The following PDE6A variants were observed in gnomAD, a reference collection of about 807,000 sequenced individuals.
PDE6A encodes phosphodiesterase 6A, also known as rod cGMP-specific 3',5'-cyclic phosphodiesterase subunit alpha.
In PDE6A, 84 loss-of-function variants were observed where a neutral mutation model predicts 106.3. That is an observed-to-expected ratio of 0.79 (90% CI 0.66 to 0.95). PDE6A has a LOEUF of 0.95. PDE6A is among the 40% of genes least tolerant of loss of function. PDE6A has a pLI of 0.00. For synonymous variants in PDE6A, 394 were observed against 386.6 expected (o/e 1.02, Z -0.23); for missense variants, 1,052 against 1,084.9 (o/e 0.97, Z 0.43).
At chr5:149,886,235 G>C in intron 14 of PDE6A, 30 bp downstream of exon 14, 1 of 1,463,550 alleles carries the variant, frequency 6.8e-7, no homozygotes, top group Non-Finnish European at 9.6e-7. Flanking sequence ...GAATCCGGAG[G>C]GTTGGGTGTG....
At chr5:149,919,462 C>A (rs568625734) in intron 5 of PDE6A, among the ~76,000 whole-genome samples, 1 of 152,180 alleles carries the variant, frequency 6.6e-6, no homozygotes, top group Non-Finnish European at 1.5e-5. Flanking sequence ...GAGCTGAGAT[C>A]ATGCCACTGC....
At chr5:149,899,257 CAG>C (rs1752874443) in intron 9 of PDE6A, 116 bp downstream of exon 9, 4 of 939,026 alleles carry the variant, frequency 4.3e-6, no homozygotes, top group Non-Finnish European at 5.3e-6. Context: ...GTTGATGAGG[CAG>C]AGTCAGGGTT....
intron 4 of PDE6A, 127 bp from the exon 5 acceptor site, chr5:149,921,836 A>C (rs1235725310): frequency 9.0e-6 from 7 of 775,606 alleles, no homozygotes; most frequent in African/African-American, 1.7e-5. Flanking sequence ...AGTGAAACCT[A>C]AACTTGGAAA....
intron 17 of PDE6A, among the ~76,000 whole-genome samples, chr5:149,881,659 G>A (rs769253577): frequency 2.1e-4 from 32 of 152,254 alleles, no homozygotes; most frequent in Middle Eastern, 3.4e-3. Flanking sequence ...CACTACCTGC[G>A]TGAGGATCGT....
chr5:149,939,398 A>G (rs1754270014), intron 1 of PDE6A, among the ~76,000 whole-genome samples: 1 of 152,162 alleles, frequency 6.6e-6, no homozygotes, highest in Admixed American at 6.5e-5. Context: ...CTCAGCATTT[A>G]TGTTCTCTGT....
At chr5:149,906,858 G>C (rs1036480230) in intron 7 of PDE6A, among the ~76,000 whole-genome samples, 1 of 151,866 alleles carries the variant, frequency 6.6e-6, no homozygotes, top group Non-Finnish European at 1.5e-5. Context: ...TGCAACCTCC[G>C]CCTCCCAGGT....
chr5:149,915,268 C>T (rs543428331), intron 5 of PDE6A, among the ~76,000 whole-genome samples: 1 of 152,080 alleles, frequency 6.6e-6, no homozygotes, highest in East Asian at 1.9e-4. Flanking sequence ...CTCAGCCTCC[C>T]GAAGTGCTGG....
chr5:149,920,333 C>T (rs1753666709), intron 5 of PDE6A, among the ~76,000 whole-genome samples: 1 of 152,158 alleles, frequency 6.6e-6, no homozygotes, highest in South Asian at 2.1e-4. Flanking sequence ...GTAATCTCAG[C>T]ACTGTGGGAG....
intron 13 of PDE6A, among the ~76,000 whole-genome samples, chr5:149,886,656 C>T (rs1165681165): frequency 4.6e-5 from 7 of 152,146 alleles, no homozygotes; most frequent in East Asian, 1.9e-4. Flanking sequence ...CTCTGAACCT[C>T]GGTAGCCCAA....
At chr5:149,943,184 C>T (rs2113671834) in intron 1 of PDE6A, among the ~76,000 whole-genome samples, 1 of 152,232 alleles carries the variant, frequency 6.6e-6, no homozygotes, top group East Asian at 1.9e-4. Flanking sequence ...TGCATTGTGT[C>T]CCTGGGTACT....
intron 11 of PDE6A, 27 bp downstream of exon 11, chr5:149,896,684 G>C: frequency 6.2e-7 from 1 of 1,614,070 alleles, no homozygotes; most frequent in Admixed American, 1.7e-5. Context: ...TATACATCGG[G>C]GCTCGTGCTG....
At chr5:149,935,176 G>A (rs953426332) in intron 1 of PDE6A, among the ~76,000 whole-genome samples, 1 of 152,160 alleles carries the variant, frequency 6.6e-6, no homozygotes, top group Admixed American at 6.5e-5. Flanking sequence ...TATGAGATAA[G>A]TACCATCAGT....
At position 149,876,203 on chromosome 5, in the gene PDE6A, AT is replaced by A. The variant is rs1361941891; in HGVS notation, c.2135+7225del. Among the ~76,000 whole-genome samples, 3 of 152,308 alleles carry A rather than the reference AT, an allele frequency of 2.0e-5. No individual in the cohort carries two copies. In the East Asian group the frequency reaches 5.8e-4, roughly 29 times the overall value. On this transcript the variant is annotated intron_variant, in intron 17 of 21. Coordinates refer to ENST00000255266, the MANE Select transcript of PDE6A (RefSeq NM_000440.3). The stretch of plus-strand genomic sequence containing the variant: ...AATATACTACCTATTTTTACAAATA[AT>A]TATTAAACACTCAAAGCACCCTTTT...
chr5:149,899,592 A>T (rs370470555), intron 8 of PDE6A, 68 bp from the exon 9 acceptor site: 10 of 1,478,044 alleles, frequency 6.8e-6, no homozygotes, highest in East Asian at 4.5e-5. Context: ...GATAGATTTC[A>T]CCCTACATCA....
intron 1 of PDE6A, among the ~76,000 whole-genome samples, chr5:149,937,334 G>A (rs770099047): frequency 1.3e-5 from 2 of 152,180 alleles, no homozygotes; most frequent in Non-Finnish European, 2.9e-5. Flanking sequence ...GATCCAGCAG[G>A]GCTTTGGAGG....
intron 12 of PDE6A, 111 bp from the exon 13 acceptor site, chr5:149,895,401 T>C (rs971931362): frequency 9.0e-6 from 7 of 775,374 alleles, no homozygotes; most frequent in Non-Finnish European, 2.3e-6. Context: ...CTTTTGAGGT[T>C]TGAGGTACTC....
intron 16 of PDE6A, 65 bp downstream of exon 16, chr5:149,884,414 A>G (rs141636549): frequency 0.024 from 18,409 of 782,804 alleles, 250 homozygotes; most frequent in African/African-American, 0.043. Context: ...ATATGTGTGT[A>G]TATATATATA....
intron 18 of PDE6A, 91 bp from the exon 19 acceptor site, chr5:149,867,890 CA>C: frequency 1.5e-6 from 2 of 1,323,156 alleles, no homozygotes; most frequent in Non-Finnish European, 1.1e-6. Flanking sequence ...TCCAAATCAA[CA>C]AAAAGGATAA....
In PDE6A at chr5:149,921,344, CAGGA is replaced by C. The variant is rs369732532; in HGVS notation, c.933+287_933+290del. ...GAAGGAAAGCAGGAAGGCAGGAAGG[CAGGA>C]AGGAAGGAAGGAAGGAAGACCACTT... On this transcript the variant is annotated intron_variant, in intron 5 of 21. Transcript: ENST00000255266. Among the ~76,000 whole-genome samples, 1,114 of 150,606 alleles carry C rather than the reference CAGGA, an allele frequency of 7.4e-3. 7 individuals carry two copies. The highest frequency in any genetic ancestry group is 0.013 in the African/African-American group (554 of 41,138).
Sources: allele counts gnomAD v4.1 joint callset (sites outside exome capture counted in the v4.1 genomes callset), GRCh38; gene constraint gnomAD v4.1.1; transcripts MANE v1.5; gene names NCBI Gene and HGNC (gene_info 2026-07-23, HGNC 2026-07-21).